Variants in LILRA5 observed in about 807,000 individuals in gnomAD.
LILRA5 encodes the protein leukocyte immunoglobulin-like receptor subfamily A member 5.
LILRA5 carries 31 observed loss-of-function variants against 36.3 expected under a neutral mutation model. The observed-to-expected ratio is 0.85, with a 90% CI of 0.64 to 1.15. The LOEUF is 1.15. LILRA5 is among the 50% of genes most tolerant of loss of function. The pLI is 0.00. For missense variants in LILRA5, 348 were observed against 377.4 expected (o/e 0.92, Z 0.64); for synonymous variants, 144 against 144.8 (o/e 0.99, Z 0.04).
At chr19:54,310,570 C>T (rs1719775923) in intron 5 of LILRA5, 1 of 163,818 alleles carries the variant, frequency 6.1e-6, no homozygotes, top group South Asian at 1.3e-4. Context: ...TTGGCAAGAG[C>T]AGACCAGGTC....
Position 54,313,155 on chromosome 19 carries a change from G to A in LILRA5, c.-136C>T. ...TGAGCTGCATGTGGCAATGAGCACA[G>A]AGGAGAAATGCAGGGAAATAGGGGA... On this transcript the variant is annotated 5_prime_UTR_variant, in exon 1 of 7. Coordinates refer to ENST00000432233, the MANE Select transcript of LILRA5 (RefSeq NM_021250.4). 1.1e-6 allele frequency: 1 copy of A among 878,628 alleles called. No homozygotes were observed. The highest frequency in any genetic ancestry group is 1.9e-6 in the Non-Finnish European group (1 of 539,152). 54.4% of individuals were successfully genotyped at this position (878,628 alleles called of 1,614,324 possible). A position where few individuals can be genotyped will look rare whatever the true frequency, so the allele number is the denominator to read the frequency against.
intron 1 of LILRA5, 148 bp downstream of exon 1, chr19:54,312,869 G>A (rs2081052916): frequency 3.0e-6 from 3 of 1,016,350 alleles, no homozygotes; most frequent in Non-Finnish European, 4.5e-6. Flanking sequence ...ATCTCACTGA[G>A]AGCCGGGACA....
At chr19:54,312,959 A>G (rs1251214769) in intron 1 of LILRA5, 58 bp downstream of exon 1, 35 of 1,611,848 alleles carry the variant, frequency 2.2e-5, no homozygotes, top group Non-Finnish European at 2.6e-5. Context: ...GAGCCTCCCC[A>G]TGGGGTCTCC....
At chr19:54,310,348 T>A (rs999801648) in intron 5 of LILRA5, 1 of 154,232 alleles carries the variant, frequency 6.5e-6, no homozygotes. Context: ...GGGAGTCTTG[T>A]AAAGCTGCAT....
intron 5 of LILRA5, chr19:54,310,748 T>C (rs2147852405): frequency 3.2e-6 from 1 of 311,682 alleles, no homozygotes. Flanking sequence ...AGGTCACGTC[T>C]GTCCTCCTTG....
intron 1 of LILRA5, 72 bp downstream of exon 1, chr19:54,312,945 C>T (rs10426342): frequency 6.2e-7 from 1 of 1,606,764 alleles, no homozygotes; most frequent in Admixed American, 1.7e-5. Flanking sequence ...CCTCCTCCCT[C>T]TCAGAGCCTC....
At chr19:54,309,867 G>A in intron 5 of LILRA5, 1 of 155,610 alleles carries the variant, frequency 6.4e-6, no homozygotes, top group South Asian at 1.8e-4. Flanking sequence ...GACAAGACGT[G>A]CTGTGAATAA....
At chr19:54,307,674 A>T (rs771191717) in intron 6 of LILRA5, 24 bp downstream of exon 6, 2 of 1,613,800 alleles carry the variant, frequency 1.2e-6, no homozygotes, top group Admixed American at 1.7e-5. Flanking sequence ...CCAGTTCCAT[A>T]ACTGAGAGCA....
At position 54,312,319 on chromosome 19, in the gene LILRA5, C is replaced by A. The variant is rs112425818; in HGVS notation, c.124+16G>T. ...ATTGAGGAGGAGGGACCTGGGACAG[C>A]TGGGGACAGACTCACCTGCCTGCAC... On this transcript the variant is annotated intron_variant, in intron 3 of 6. Coordinates refer to ENST00000432233, the MANE Select transcript of LILRA5 (RefSeq NM_021250.4). 1.2e-6 allele frequency: 2 copies of A among 1,614,216 alleles called. No individual in the cohort carries two copies. Among genetic ancestry groups the A allele is most frequent in the Admixed American group, 3.3e-5 (2 of 60,032 alleles).
chr19:54,308,954 T>C (rs975996959), intron 5 of LILRA5: 8 of 152,200 alleles, frequency 5.3e-5, no homozygotes, highest in African/African-American at 1.7e-4. Context: ...TGCAGTTACA[T>C]GCATATTAAT....
intron 5 of LILRA5, chr19:54,308,365 A>C (rs7246663): frequency 4.6e-5 from 1 of 21,902 alleles, no homozygotes; most frequent in African/African-American, 3.0e-4. Flanking sequence ...ATATATATAT[A>C]TATATATATA....
chr19:54,310,586 G>A (rs960596918), intron 5 of LILRA5: 6 of 176,374 alleles, frequency 3.4e-5, no homozygotes, highest in Non-Finnish European at 7.4e-5. Context: ...AGGTCTTAGG[G>A]TGAGTGATGG....
At chr19:54,307,650 C>T in intron 6 of LILRA5, 48 bp downstream of exon 6, 1 of 1,612,396 alleles carries the variant, frequency 6.2e-7, no homozygotes, top group Non-Finnish European at 8.5e-7. Flanking sequence ...CTTGACAGGA[C>T]CTGACCCTCT....
chr19:54,312,195 G>A (rs370292179), intron 3 of LILRA5, 47 bp from the exon 4 acceptor site: 26 of 1,610,652 alleles, frequency 1.6e-5, no homozygotes, highest in Non-Finnish European at 1.8e-5. Context: ...CCACCCCTCA[G>A]ATCCCAGCTC....
At chr19:54,311,302 T>G (rs753557228) in intron 5 of LILRA5, 112 bp downstream of exon 5, 1 of 1,607,800 alleles carries the variant, frequency 6.2e-7, no homozygotes, top group Non-Finnish European at 8.5e-7. Context: ...AGGATTTCTG[T>G]GTTCTCCTTC....
In LILRA5 at chr19:54,311,444, G is replaced by C. The variant is rs1168092155; in HGVS notation, c.682C>G (p.Pro228Ala). Residue 228 changes from proline to alanine, a missense_variant, in exon 5 of 7, where the codon CCC becomes GCC. Coordinates refer to ENST00000432233, the MANE Select transcript of LILRA5 (RefSeq NM_021250.4). ...ACCGGAATCTCCAGGAGGTCACTGG[G>C]TTCTGACCATACCTGCAGGATATGC... ...RRHILQVWSE[P>A]SDLLEIPVSG... is the part of the protein sequence containing the mutation. 1 of 1,614,146 alleles carries C rather than the reference G, an allele frequency of 6.2e-7. No individual in the cohort carries two copies. The highest frequency in any genetic ancestry group is 1.3e-5 in the African/African-American group (1 of 75,030).
chr19:54,310,808 G>T, intron 5 of LILRA5: 1 of 255,606 alleles, frequency 3.9e-6, no homozygotes, highest in Non-Finnish European at 8.2e-6. Context: ...TGGAGGGTCA[G>T]GTTCTCTCCA....
rs539659695 is a variant in LILRA5 at position 54,312,585 on chromosome 19, C to T, written c.40G>A (p.Val14Met). The change falls in exon 2 of 7, where the codon GTG becomes ATG. Residue 14 changes from valine to methionine, a missense_variant. Transcript: ENST00000432233. The part of the protein sequence containing the change: ...WSHPSAQLQP[V>M]GGDAVSPALM... ...GCAGGGCTCACGGCGTCTCCTCCCA[C>T]TGGCTGCAGCTGTGCAGATGGATGA... 1.1e-5 allele frequency: 18 copies of T among 1,614,226 alleles called. No homozygotes were observed. In the East Asian group the frequency reaches 3.6e-4, roughly 32 times the overall value.
chr19:54,312,457 T>C (rs2081042967), intron 2 of LILRA5, 80 bp downstream of exon 2: 2 of 1,613,902 alleles, frequency 1.2e-6, no homozygotes, highest in African/African-American at 2.7e-5. Flanking sequence ...CCCTGGAGTT[T>C]CCTGATAGAC....
Sources: allele counts gnomAD v4.1 joint callset, GRCh38; gene constraint gnomAD v4.1.1; transcripts MANE v1.5; gene names NCBI Gene and HGNC (gene_info 2026-07-23, HGNC 2026-07-21).